Variants in PLEK2 observed in about 807,000 individuals in gnomAD.
The protein encoded by PLEK2 is pleckstrin 2, also known as pleckstrin-2.
Under a neutral mutation model 43.8 loss-of-function variants are expected in PLEK2, and 29 were observed. The observed-to-expected ratio is 0.66, with a 90% CI of 0.49 to 0.90. The LOEUF is 0.90. PLEK2 is among the 40% of genes least tolerant of loss of function. The pLI, the probability that PLEK2 is intolerant of heterozygous loss-of-function variation, is 0.00. For missense variants in PLEK2, 398 were observed against 448.1 expected (o/e 0.89, Z 1.01); for synonymous variants, 162 against 173.2 (o/e 0.94, Z 0.51).
intron 3 of PLEK2, among the ~76,000 whole-genome samples, 157 bp from the exon 4 acceptor site, chr14:67,393,398 A>G (rs894416892): frequency 6.6e-6 from 1 of 152,148 alleles, no homozygotes; most frequent in Non-Finnish European, 1.5e-5. Flanking sequence ...TTTGAATGGC[A>G]AGAGTGATGC....
intron 8 of PLEK2, 68 bp from the exon 9 acceptor site, chr14:67,387,524 C>T (rs2085935616): frequency 1.3e-6 from 2 of 1,519,796 alleles, no homozygotes; most frequent in South Asian, 1.2e-5. Context: ...CTTGAACCAG[C>T]AGAAAGTCAA....
At chr14:67,395,332 G>A in intron 3 of PLEK2, 70 bp downstream of exon 3, 2 of 1,426,658 alleles carry the variant, frequency 1.4e-6, no homozygotes, top group Non-Finnish European at 9.7e-7. Flanking sequence ...CCCCCCAAGG[G>A]GCAGGGTCCC....
chr14:67,393,042 C>CCA (rs1234157207), intron 4 of PLEK2, 108 bp downstream of exon 4: 2 of 964,294 alleles, frequency 2.1e-6, no homozygotes, highest in African/African-American at 3.2e-5. Context: ...AGCCTGTTGC[C>CCA]CAGCAGGCAG....
intron 3 of PLEK2, among the ~76,000 whole-genome samples, chr14:67,394,743 T>C (rs1256908528): frequency 6.6e-6 from 1 of 152,216 alleles, no homozygotes; most frequent in African/African-American, 2.4e-5. Flanking sequence ...GTGGCAATAT[T>C]GAGAGGTGAT....
chr14:67,401,294 C>G (rs1035622737), intron 1 of PLEK2, among the ~76,000 whole-genome samples: 1 of 151,682 alleles, frequency 6.6e-6, no homozygotes, highest in African/African-American at 2.4e-5. Context: ...TGAGGCCAGC[C>G]TCAGCAACAT....
chr14:67,411,954 C>T, intron 1 of PLEK2, 64 bp downstream of exon 1: 1 of 1,433,564 alleles, frequency 7.0e-7, no homozygotes, highest in Non-Finnish European at 9.4e-7. Flanking sequence ...TCTGGCCCCG[C>T]TCTAGGGAGC....
chr14:67,390,040 T>C (rs530454438), intron 7 of PLEK2, among the ~76,000 whole-genome samples: 2 of 152,210 alleles, frequency 1.3e-5, no homozygotes, highest in African/African-American at 4.8e-5. Flanking sequence ...CAAAAACTAA[T>C]GAAAGTCATA....
chr14:67,395,985 T>G (rs1262152844), intron 2 of PLEK2, among the ~76,000 whole-genome samples: 1 of 152,122 alleles, frequency 6.6e-6, no homozygotes, highest in African/African-American at 2.4e-5. Context: ...CCCGGGCACA[T>G]TAGGAAATGA....
intron 1 of PLEK2, among the ~76,000 whole-genome samples, chr14:67,407,738 G>A (rs1478562829): frequency 1.3e-5 from 2 of 152,016 alleles, no homozygotes; most frequent in Non-Finnish European, 2.9e-5. Context: ...CACCACACCC[G>A]GCAGACCCCT....
intron 3 of PLEK2, among the ~76,000 whole-genome samples, chr14:67,394,174 T>C (rs1171374530): frequency 6.6e-6 from 1 of 152,192 alleles, no homozygotes; most frequent in East Asian, 1.9e-4. Context: ...TGTTCTTATA[T>C]TTCTATGCCA....
chr14:67,407,960 G>A (rs1435626026), intron 1 of PLEK2, among the ~76,000 whole-genome samples: 1 of 152,010 alleles, frequency 6.6e-6, no homozygotes, highest in Non-Finnish European at 1.5e-5. Context: ...CTCCAGCCTG[G>A]GTAACATACT....
In PLEK2 at chr14:67,397,719, C is replaced by A. The variant is rs566761421; in HGVS notation, c.150G>T (p.Arg50=). ...GGRRVTPPKG[R]ILLDGCTITC... ...TGATGGTGCAGCCATCCAGGAGGAT[C>A]CGGCCCTTGGGAGGGGTCACTCTCC... is the stretch of plus-strand genomic sequence containing the variant. The change falls in exon 2 of 9, where the codon CGG becomes CGT. Residue 50 remains arginine (R), a synonymous_variant. Transcript: ENST00000216446. 7 of 1,613,554 alleles carry A rather than the reference C, an allele frequency of 4.3e-6. No homozygotes were observed. The South Asian group carries it at 7.7e-5, about 18-fold the overall frequency.
intron 2 of PLEK2, among the ~76,000 whole-genome samples, chr14:67,397,029 C>T (rs1330849198): frequency 6.6e-6 from 1 of 151,660 alleles, no homozygotes; most frequent in Non-Finnish European, 1.5e-5. Context: ...AACTCTGCCT[C>T]CCAGGGTCAA....
intron 3 of PLEK2, among the ~76,000 whole-genome samples, chr14:67,394,639 T>C (rs1369133588): frequency 6.6e-6 from 1 of 152,098 alleles, no homozygotes; most frequent in East Asian, 1.9e-4. Flanking sequence ...CATACATCTT[T>C]GATGGGTGTT....
intron 3 of PLEK2, 80 bp downstream of exon 3, chr14:67,395,322 C>G (rs577829383): frequency 2.4e-6 from 3 of 1,260,396 alleles, no homozygotes; most frequent in South Asian, 1.3e-5. Context: ...AGCACAGAGC[C>G]CCCCCAAGGG....
At position 67,412,049 on chromosome 14, in the gene PLEK2, C is replaced by T. The variant is rs554726733; in HGVS notation, c.11G>A (p.Gly4Asp). The change falls in exon 1 of 9, where the codon GGC (glycine) becomes GAC (aspartate). Residue 4 changes from glycine to aspartate, a missense_variant. Gly to Asp is a moderately conservative substitution (Grantham distance 94, BLOSUM62 -1). Coordinates refer to ENST00000216446, the MANE Select transcript of PLEK2 (RefSeq NM_016445.3). MED[G>D]VLKEGFLVKR... is the part of the protein sequence containing the mutation. ...GACCAGGAAGCCCTCCTTGAGCACG[C>T]CGTCCTCCATGTCGCCGCCCGCACG... 3 of 1,553,930 alleles carry T rather than the reference C, an allele frequency of 1.9e-6. No homozygotes were observed. The highest frequency in any genetic ancestry group is 1.2e-5 in the South Asian group (1 of 83,818).
At chr14:67,406,030 A>G (rs562528649) in intron 1 of PLEK2, among the ~76,000 whole-genome samples, 2 of 152,152 alleles carry the variant, frequency 1.3e-5, no homozygotes, top group Admixed American at 1.3e-4. Context: ...GGCTGAGGGC[A>G]GGTAGATCAC....
At chr14:67,408,295 T>TAAAATAAAATAAAATA (rs775709332) in intron 1 of PLEK2, among the ~76,000 whole-genome samples, 3 of 116,716 alleles carry the variant, frequency 2.6e-5, no homozygotes, top group African/African-American at 1.0e-4. Flanking sequence ...TCAAAATAAA[T>TAAAATAAAATAAAATA]AAATAAAATA....
intron 6 of PLEK2, among the ~76,000 whole-genome samples, chr14:67,391,436 C>T (rs3784085): frequency 0.19 from 28,529 of 151,646 alleles, 4,329 homozygotes; most frequent in East Asian, 0.48. Context: ...TTCCTCCCCT[C>T]GGGAAGGACT....
Sources: allele counts gnomAD v4.1 joint callset (sites outside exome capture counted in the v4.1 genomes callset), GRCh38; gene constraint gnomAD v4.1.1; transcripts MANE v1.5; gene names NCBI Gene and HGNC (gene_info 2026-07-23, HGNC 2026-07-21).